ZDHHC14: variants seen among roughly 807,000 people sequenced by gnomAD.
ZDHHC14 encodes palmitoyltransferase ZDHHC14.
ZDHHC14 carries 16 observed loss-of-function variants against 47.7 expected under a neutral mutation model. The ratio of observed to expected loss-of-function variants is 0.34; its 90% confidence interval spans 0.23 to 0.51. ZDHHC14 has a LOEUF of 0.51. Ranked by LOEUF, ZDHHC14 falls within the 20% of genes least tolerant of loss-of-function variation. The pLI is 0.97. For missense variants in ZDHHC14, 515 were observed against 662.5 expected, an observed-to-expected ratio of 0.78 and a Z score of 2.44; for synonymous variants, 293 against 278.9, an observed-to-expected ratio of 1.05 and a Z score of -0.50.
At chr6:157,580,293 G>T (rs1298660860) in intron 2 of ZDHHC14, among the ~76,000 whole-genome samples, 7 of 152,050 alleles carry the variant, frequency 4.6e-5, no homozygotes, top group Non-Finnish European at 8.8e-5. Context: ...GCTAGATTCA[G>T]TTTATTAGTA....
chr6:157,490,118 C>T lies in ZDHHC14; in HGVS notation c.246-52467C>T, dbSNP rs150315588. Reference sequence around the variant, plus strand: ...TTTCTAGATAGAGAAACACGGTGGACGCTCATGCCATTTACCGGAATGGGG... The same window carrying T: ...TTTCTAGATAGAGAAACACGGTGGATGCTCATGCCATTTACCGGAATGGGG... On this transcript the variant is annotated intron_variant, in intron 1 of 8. Coordinates refer to ENST00000359775, the MANE Select transcript of ZDHHC14 (RefSeq NM_024630.3). Among the ~76,000 whole-genome samples the T allele has an allele frequency of 4.0e-3, 609 of 152,158 alleles. 11 individuals carry two copies. Among genetic ancestry groups the T allele is most frequent in the African/African-American group, 0.013 (540 of 41,490 alleles).
chr6:157,415,452 ATAT>A (rs1385922883), intron 1 of ZDHHC14, among the ~76,000 whole-genome samples: 3 of 152,240 alleles, frequency 2.0e-5, no homozygotes, highest in Non-Finnish European at 4.4e-5. Context: ...AAATTGGGTA[ATAT>A]TAGGGCTTTT....
intron 2 of ZDHHC14, among the ~76,000 whole-genome samples, chr6:157,544,391 T>TA (rs1202015265): frequency 6.6e-6 from 1 of 152,154 alleles, no homozygotes; most frequent in East Asian, 1.9e-4. Flanking sequence ...CTCATGCCTG[T>TA]AATCCCAGCA....
At chr6:157,473,259 G>T (rs540137316) in intron 1 of ZDHHC14, among the ~76,000 whole-genome samples, 152 of 152,250 alleles carry the variant, frequency 1.0e-3, no homozygotes, top group African/African-American at 3.5e-3. Context: ...TAGAGCTGTT[G>T]AATCTGTTCC....
intron 1 of ZDHHC14, among the ~76,000 whole-genome samples, chr6:157,484,296 T>TATATATAC (rs1491005194): frequency 1.1e-3 from 15 of 14,048 alleles, no homozygotes; most frequent in African/African-American, 1.2e-3. Context: ...TATATGTGTA[T>TATATATAC]ATATATATAC....
At chr6:157,640,551 AG>A (rs933613203) in intron 5 of ZDHHC14, among the ~76,000 whole-genome samples, 3 of 152,220 alleles carry the variant, frequency 2.0e-5, no homozygotes, top group African/African-American at 7.2e-5. Flanking sequence ...TAGGTAGGAC[AG>A]GTGTCCTTAG....
In ZDHHC14 at chr6:157,427,785, G is replaced by A. The variant is rs1778251615; in HGVS notation, c.245+45519G>A. ...GTGAGATTGACCACCTTCCATCGGAGTGTGGAAACAGGTTTTCATCAAGAT... is the reference window on the plus strand; with the variant it reads ...GTGAGATTGACCACCTTCCATCGGAATGTGGAAACAGGTTTTCATCAAGAT... On this transcript the variant is annotated intron_variant, in intron 1 of 8. Coordinates refer to ENST00000359775, the MANE Select transcript of ZDHHC14 (RefSeq NM_024630.3). The surrounding 1 kb of genome is among the most constrained non-coding windows in gnomAD (Gnocchi z 4.4). Among the ~76,000 whole-genome samples, 1 of 152,162 alleles carries A rather than the reference G, an allele frequency of 6.6e-6. No homozygotes were observed. The highest frequency in any genetic ancestry group is 6.5e-5 in the Admixed American group (1 of 15,284).
At chr6:157,441,735 G>A (rs1778564044) in intron 1 of ZDHHC14, among the ~76,000 whole-genome samples, 1 of 152,192 alleles carries the variant, frequency 6.6e-6, no homozygotes, top group Non-Finnish European at 1.5e-5. Context: ...CTACTCGGGA[G>A]GCTGAGGTGG....
intron 2 of ZDHHC14, among the ~76,000 whole-genome samples, chr6:157,549,187 A>T (rs941011666): frequency 2.0e-5 from 3 of 152,148 alleles, no homozygotes; most frequent in Admixed American, 6.5e-5. Context: ...GAGCAGTGGC[A>T]CTTCCCCTTC....
At chr6:157,387,905 C>T (rs527735570) in intron 1 of ZDHHC14, among the ~76,000 whole-genome samples, 13 of 152,050 alleles carry the variant, frequency 8.5e-5, no homozygotes, top group African/African-American at 3.1e-4. Flanking sequence ...AACCTCTGTA[C>T]ATTAATAAAA....
At chr6:157,494,363 C>G (rs1270554706) in intron 1 of ZDHHC14, among the ~76,000 whole-genome samples, 2 of 152,208 alleles carry the variant, frequency 1.3e-5, no homozygotes, top group Admixed American at 1.3e-4. Flanking sequence ...TCTCTGCCAC[C>G]ACCCTCCCTG....
chr6:157,433,227 A>C (rs571627318), intron 1 of ZDHHC14, among the ~76,000 whole-genome samples: 3 of 152,370 alleles, frequency 2.0e-5, no homozygotes, highest in South Asian at 4.1e-4. Flanking sequence ...AGAATTTATA[A>C]TTGAATTAAG....
intron 1 of ZDHHC14, among the ~76,000 whole-genome samples, chr6:157,410,601 C>A (rs1777853801): frequency 6.6e-6 from 1 of 152,208 alleles, no homozygotes; most frequent in Non-Finnish European, 1.5e-5. Context: ...TTAGGCTAAT[C>A]TGGTTTCCTT....
chr6:157,489,321 A>C (rs1252108984), intron 1 of ZDHHC14, among the ~76,000 whole-genome samples: 1 of 152,220 alleles, frequency 6.6e-6, no homozygotes, highest in Non-Finnish European at 1.5e-5. Flanking sequence ...TCCTTCGTAA[A>C]CGTTGTAGTA....
chr6:157,522,062 A>C (rs1257597365), intron 1 of ZDHHC14, among the ~76,000 whole-genome samples: 1 of 152,200 alleles, frequency 6.6e-6, no homozygotes, highest in African/African-American at 2.4e-5. Flanking sequence ...CAGACACCCA[A>C]CATGAGCATG....
chr6:157,395,523 C>T (rs372452956), intron 1 of ZDHHC14, among the ~76,000 whole-genome samples: 5 of 150,860 alleles, frequency 3.3e-5, no homozygotes, highest in South Asian at 4.4e-4. Flanking sequence ...CCGCCGGGCG[C>T]GGTGGCTCAT....
intron 3 of ZDHHC14, among the ~76,000 whole-genome samples, chr6:157,601,193 T>A (rs1271475896): frequency 2.0e-5 from 3 of 152,206 alleles, no homozygotes; most frequent in Admixed American, 2.0e-4. Flanking sequence ...TAAAAACTAA[T>A]ACAGAAGAAT....
Position 157,647,332 on chromosome 6 carries a change from A to G in ZDHHC14, c.929A>G (p.Asn310Ser). 1 of 1,614,220 alleles carries G rather than the reference A, an allele frequency of 6.2e-7. No homozygotes were observed. Among genetic ancestry groups the G allele is most frequent in the Non-Finnish European group, 8.5e-7 (1 of 1,180,024 alleles). The change falls in exon 7 of 9, where the codon AAC becomes AGC. Residue 310 changes from asparagine to serine, a missense_variant. Transcript: ENST00000359775. ...NPYSYGNIFT[N>S]CCVALCGPIS... Reference sequence around the variant, plus strand: ...TACAGCTACGGAAATATCTTTACCAACTGCTGTGTTGCCCTGTGTGGGCCC... The same window carrying G: ...TACAGCTACGGAAATATCTTTACCAGCTGCTGTGTTGCCCTGTGTGGGCCC...
chr6:157,500,935 T>G (rs1398186909), intron 1 of ZDHHC14, among the ~76,000 whole-genome samples: 1 of 152,180 alleles, frequency 6.6e-6, no homozygotes, highest in South Asian at 2.1e-4. Context: ...AAAAATTAAG[T>G]AGATTGCAAT....
Sources: allele counts gnomAD v4.1 joint callset (sites outside exome capture counted in the v4.1 genomes callset), GRCh38; gene constraint gnomAD v4.1.1; non-coding constraint Gnocchi (gnomAD v3.1); transcripts MANE v1.5; gene names NCBI Gene and HGNC (gene_info 2026-07-23, HGNC 2026-07-21).